The following STIM2 variants were observed in gnomAD, a reference collection of about 807,000 sequenced individuals.
STIM2 encodes the protein stromal interaction molecule 2.
Under a neutral mutation model 85.8 loss-of-function variants are expected in STIM2, and 31 were observed. That is an observed-to-expected ratio of 0.36 (90% CI 0.27 to 0.49). The LOEUF is 0.49. Ranked by LOEUF, STIM2 falls within the 20% of genes least tolerant of loss-of-function variation. The probability of loss-of-function intolerance (pLI) is 0.98; values close to 1 mark genes in which losing one functional copy is unlikely to be tolerated. For synonymous variants in STIM2, 356 were observed against 331.1 expected, an observed-to-expected ratio of 1.08 and a Z score of -0.82; for missense variants, 841 against 927.6, an observed-to-expected ratio of 0.91 and a Z score of 1.21.
At chr4:26,971,941 G>T (rs1226877025) in intron 3 of STIM2, among the ~76,000 whole-genome samples, 4 of 152,096 alleles carry the variant, frequency 2.6e-5, no homozygotes, top group Non-Finnish European at 5.9e-5. Flanking sequence ...AGTTCTCCTT[G>T]AAGAGGTCCT....
chr4:26,898,504 A>G (rs567244355), intron 1 of STIM2, among the ~76,000 whole-genome samples: 5 of 152,288 alleles, frequency 3.3e-5, no homozygotes, highest in South Asian at 4.1e-4. Flanking sequence ...TCTTTCATCT[A>G]ATCATCACTA....
chr4:26,987,920 A>G (rs916533990), intron 3 of STIM2, among the ~76,000 whole-genome samples: 1 of 152,258 alleles, frequency 6.6e-6, no homozygotes, highest in Non-Finnish European at 1.5e-5. Context: ...AGCCATCTAT[A>G]TTAGTAGTGG....
At chr4:26,946,501 C>A (rs182882073) in intron 2 of STIM2, among the ~76,000 whole-genome samples, 41 of 152,304 alleles carry the variant, frequency 2.7e-4, no homozygotes, top group Middle Eastern at 3.4e-3. Flanking sequence ...AGATATCTTT[C>A]TTCTCTGTGT....
chr4:26,882,332 A>C (rs1723042313), intron 1 of STIM2, among the ~76,000 whole-genome samples: 1 of 152,154 alleles, frequency 6.6e-6, no homozygotes, highest in Non-Finnish European at 1.5e-5. Flanking sequence ...AGTTGTTGCT[A>C]ATTTTTTTTC....
intron 1 of STIM2, among the ~76,000 whole-genome samples, chr4:26,881,193 C>T (rs565120435): frequency 9.2e-5 from 14 of 152,086 alleles, no homozygotes; most frequent in African/African-American, 1.7e-4. Context: ...GGGCTGGGCG[C>T]GGTAGCTCAT....
At chr4:26,983,233 C>G (rs1727464908) in intron 3 of STIM2, among the ~76,000 whole-genome samples, 1 of 152,232 alleles carries the variant, frequency 6.6e-6, no homozygotes. Context: ...GACTGAAGCA[C>G]TTTATTCACA....
chr4:26,885,861 A>ATATGTATATATATATATATATGTG (rs1553845033), intron 1 of STIM2, among the ~76,000 whole-genome samples: 1 of 77,734 alleles, frequency 1.3e-5, no homozygotes, highest in East Asian at 3.7e-4. Flanking sequence ...ATATATATAT[A>ATATGTATATATATATATATATGTG]TATATATATA....
At chr4:26,973,501 G>A (rs775060640) in intron 3 of STIM2, among the ~76,000 whole-genome samples, 30 of 152,114 alleles carry the variant, frequency 2.0e-4, no homozygotes, top group Non-Finnish European at 2.8e-4. Flanking sequence ...TATTTTCCCA[G>A]TAGTCATTCA....
chr4:26,967,507 G>A (rs1726767969), intron 3 of STIM2, among the ~76,000 whole-genome samples: 1 of 152,184 alleles, frequency 6.6e-6, no homozygotes, highest in African/African-American at 2.4e-5. Context: ...ATATAGTAGG[G>A]CGCATAGACT....
At chr4:26,961,521 A>G (rs566090429) in intron 3 of STIM2, among the ~76,000 whole-genome samples, 1 of 152,188 alleles carries the variant, frequency 6.6e-6, no homozygotes, top group South Asian at 2.1e-4. Context: ...CTGGGGATTA[A>G]TGATGAGTTA....
At chr4:26,938,319 T>C (rs959138967) in intron 2 of STIM2, among the ~76,000 whole-genome samples, 8 of 152,200 alleles carry the variant, frequency 5.3e-5, no homozygotes, top group Admixed American at 2.6e-4. Flanking sequence ...CGCAGTCTTA[T>C]CACCTCACAT....
At chr4:27,002,552 A>G (rs1257692363) in intron 6 of STIM2, among the ~76,000 whole-genome samples, 158 bp downstream of exon 6, 2 of 152,252 alleles carry the variant, frequency 1.3e-5, no homozygotes, top group Non-Finnish European at 2.9e-5. Flanking sequence ...TACTTTTATA[A>G]TTACAGATTT....
At chr4:27,021,174 G>A (rs747756025) in intron 11 of STIM2, 14 of 1,016,236 alleles carry the variant, frequency 1.4e-5, no homozygotes, top group African/African-American at 1.1e-4. Flanking sequence ...AGTACCTACC[G>A]TAAACTTGCC....
At chr4:26,915,364 A>G (rs554262121) in intron 1 of STIM2, among the ~76,000 whole-genome samples, 1 of 152,208 alleles carries the variant, frequency 6.6e-6, no homozygotes, top group African/African-American at 2.4e-5. Context: ...CCTCCCAAGT[A>G]GCTGGGACTA....
intron 3 of STIM2, among the ~76,000 whole-genome samples, chr4:26,990,515 G>C (rs1307158917): frequency 6.6e-6 from 1 of 152,068 alleles, no homozygotes; most frequent in Non-Finnish European, 1.5e-5. Context: ...AAGGCTTCAG[G>C]ACATTAGGCT....
At chr4:27,008,042 A>T (rs1015004734) in intron 8 of STIM2, 66 of 713,216 alleles carry the variant, frequency 9.3e-5, no homozygotes, top group Non-Finnish European at 5.2e-5. Context: ...TGACACTTAA[A>T]TTGTGTGGAA....
At chr4:26,977,505 A>C (rs1727242850) in intron 3 of STIM2, among the ~76,000 whole-genome samples, 1 of 152,196 alleles carries the variant, frequency 6.6e-6, no homozygotes, top group African/African-American at 2.4e-5. Context: ...TAGAAGTAGA[A>C]GACCTGTTGA....
intron 7 of STIM2, among the ~76,000 whole-genome samples, chr4:27,006,065 A>C (rs2109134822): frequency 6.6e-6 from 1 of 152,286 alleles, no homozygotes; most frequent in Admixed American, 6.5e-5. Context: ...GACGCCACAC[A>C]GCTTACCCAA....
intron 10 of STIM2, among the ~76,000 whole-genome samples, chr4:27,011,941 T>C (rs1728571083): frequency 6.6e-6 from 1 of 152,164 alleles, no homozygotes; most frequent in Admixed American, 6.5e-5. Flanking sequence ...TGTTGTTTGC[T>C]CTCCTTAGAG....
Sources: allele counts gnomAD v4.1 joint callset (sites outside exome capture counted in the v4.1 genomes callset), GRCh38; gene constraint gnomAD v4.1.1; transcripts MANE v1.5; gene names NCBI Gene and HGNC (gene_info 2026-07-23, HGNC 2026-07-21).